Variants in RPS6KC1 observed in about 807,000 individuals in gnomAD.
The protein encoded by RPS6KC1 is inactive ribosomal protein S6 kinase delta-1.
In RPS6KC1, 54 loss-of-function variants were observed where a neutral mutation model predicts 103.8. The observed-to-expected ratio is 0.52, with a 90% CI of 0.42 to 0.65. The LOEUF is 0.65. Among genes scored for constraint, RPS6KC1 ranks in the 30% least tolerant of loss-of-function variants. The pLI is 0.00. For synonymous variants in RPS6KC1, 439 were observed against 438.7 expected (o/e 1.00, Z -0.01); for missense variants, 1,151 against 1,253.8 (o/e 0.92, Z 1.24).
At chr1:213,773,325 C>G in the RPS6KC1 span, among the ~76,000 whole-genome samples, 1 of 151,646 alleles carries the variant, frequency 6.6e-6, no homozygotes, top group East Asian at 1.9e-4. Flanking sequence ...GCACCCCCAA[C>G]CACTGTCCCC....
chr1:213,379,495 T>C, the RPS6KC1 span, among the ~76,000 whole-genome samples: 1 of 152,172 alleles, frequency 6.6e-6, no homozygotes, highest in South Asian at 2.1e-4. Flanking sequence ...CTGGAACAGA[T>C]TCCGCCTTAG....
chr1:213,076,321 G>A (rs1331726754), intron 2 of RPS6KC1, among the ~76,000 whole-genome samples: 1 of 152,198 alleles, frequency 6.6e-6, no homozygotes, highest in Non-Finnish European at 1.5e-5. Flanking sequence ...TTGGCAGCAT[G>A]AAAAAGTTTG....
the RPS6KC1 span, among the ~76,000 whole-genome samples, chr1:213,447,680 C>A: frequency 4.5e-4 from 68 of 152,210 alleles, no homozygotes; most frequent in Non-Finnish European, 8.7e-4. Flanking sequence ...CTAATCAATG[C>A]GGCTCAGGTA....
chr1:213,612,672 A>G, the RPS6KC1 span, among the ~76,000 whole-genome samples: 1 of 152,208 alleles, frequency 6.6e-6, no homozygotes. Context: ...TTTCTCTCCA[A>G]TTAATTATAG....
the RPS6KC1 span, among the ~76,000 whole-genome samples, chr1:213,714,614 T>C: frequency 6.6e-6 from 1 of 152,242 alleles, no homozygotes; most frequent in Non-Finnish European, 1.5e-5. Flanking sequence ...TTGTGAACTG[T>C]GTGGAAGTTA....
Position 213,241,200 on chromosome 1 carries a change from A to G in RPS6KC1, c.1724A>G (p.Asn575Ser), listed in dbSNP as rs56060894. Residue 575 changes from asparagine (N) to serine (S), a missense_variant, in exon 11 of 15, where the codon AAC (asparagine) becomes AGC (serine). Transcript: ENST00000366960. ...GCTCACGAGCTGAAGTTCTTCCCCA[A>G]CGATGACCCAGAAGCAGTTAGTTCT... ...LRAHELKFFP[N>S]DDPEAVSSPR... 7.3e-3 allele frequency: 11,771 copies of G among 1,613,722 alleles called. 405 individuals are homozygous for G. The highest frequency in any genetic ancestry group is 0.065 in the East Asian group (2,901 of 44,840).
chr1:213,602,513 G>A, the RPS6KC1 span, among the ~76,000 whole-genome samples: 1,581 of 152,070 alleles, frequency 0.01, 29 homozygotes, highest in African/African-American at 0.036. Flanking sequence ...GATTACAGGC[G>A]TGAGCCATTG....
chr1:213,217,094 G>T (rs1263245373), intron 8 of RPS6KC1, among the ~76,000 whole-genome samples: 1 of 151,622 alleles, frequency 6.6e-6, no homozygotes, highest in African/African-American at 2.4e-5. Flanking sequence ...CTGGCTTTTT[G>T]AAAAGATCAA....
At chr1:213,582,849 C>T in the RPS6KC1 span, among the ~76,000 whole-genome samples, 1 of 152,166 alleles carries the variant, frequency 6.6e-6, no homozygotes, top group African/African-American at 2.4e-5. Flanking sequence ...TTTTGTAACA[C>T]CACCAAGATT....
chr1:213,285,100 A>T, the RPS6KC1 span, among the ~76,000 whole-genome samples: 1 of 152,202 alleles, frequency 6.6e-6, no homozygotes, highest in Non-Finnish European at 1.5e-5. Context: ...ACAAAAATTT[A>T]TTTCTCACAG....
intron 5 of RPS6KC1, among the ~76,000 whole-genome samples, chr1:213,121,861 A>G (rs1197152687): frequency 6.6e-6 from 1 of 152,168 alleles, no homozygotes; most frequent in Non-Finnish European, 1.5e-5. Context: ...AGCTTATTGT[A>G]TGTAGCATAT....
rs568941303 is a variant in RPS6KC1 at position 213,122,369 on chromosome 1, G to A, written c.472+4959G>A. Reference sequence around the variant, plus strand: ...GAAAGGTGTATAGTTATTTAAGTTTGAAAAAAATCTGTATCGAAATACCAT... The same window carrying A: ...GAAAGGTGTATAGTTATTTAAGTTTAAAAAAAATCTGTATCGAAATACCAT... On this transcript the variant is annotated intron_variant, in intron 5 of 14. Coordinates refer to ENST00000366960, the MANE Select transcript of RPS6KC1 (RefSeq NM_012424.6). Among the ~76,000 whole-genome samples the A allele has an allele frequency of 2.1e-4, 32 of 151,982 alleles. No individual in the cohort carries two copies. The South Asian group carries it at 6.7e-3, about 32-fold the overall frequency.
At chr1:213,219,110 T>C (rs2093752158) in intron 8 of RPS6KC1, among the ~76,000 whole-genome samples, 1 of 152,176 alleles carries the variant, frequency 6.6e-6, no homozygotes, top group Non-Finnish European at 1.5e-5. Context: ...TGCAATCTAC[T>C]TATCTGACAA....
At chr1:213,120,516 T>G (rs2084259921) in intron 5 of RPS6KC1, among the ~76,000 whole-genome samples, 1 of 152,046 alleles carries the variant, frequency 6.6e-6, no homozygotes, top group Admixed American at 6.6e-5. Context: ...GAGGAACATC[T>G]AGTAGCAAAA....
chr1:213,756,201 G>A, the RPS6KC1 span, among the ~76,000 whole-genome samples: 1 of 152,194 alleles, frequency 6.6e-6, no homozygotes, highest in South Asian at 2.1e-4. Flanking sequence ...GGACACTCTG[G>A]ACCAGATCAT....
chr1:213,855,592 G>T, the RPS6KC1 span, among the ~76,000 whole-genome samples: 2 of 152,154 alleles, frequency 1.3e-5, no homozygotes, highest in Non-Finnish European at 2.9e-5. Context: ...TGTGTGCCCT[G>T]CTTCTTTCTC....
intron 6 of RPS6KC1, among the ~76,000 whole-genome samples, chr1:213,137,942 A>G (rs1478807829): frequency 2.9e-5 from 4 of 139,510 alleles, no homozygotes; most frequent in Admixed American, 7.6e-5. Context: ...TGGTTTTTCT[A>G]TTTACAGATA....
chr1:213,591,500 C>T, the RPS6KC1 span, among the ~76,000 whole-genome samples: 11 of 152,202 alleles, frequency 7.2e-5, no homozygotes, highest in Non-Finnish European at 1.5e-4. Context: ...CATTATCCCA[C>T]TTCACCAAGT....
the RPS6KC1 span, among the ~76,000 whole-genome samples, chr1:213,766,495 C>A: frequency 6.6e-6 from 1 of 152,200 alleles, no homozygotes; most frequent in African/African-American, 2.4e-5. Context: ...TACACTCTTA[C>A]AGAAAGGCTG....
Sources: gnomAD v4.1 joint callset for allele counts (sites outside exome capture counted in the v4.1 genomes callset) on GRCh38, gnomAD v4.1.1 for gene constraint, MANE v1.5 for transcripts, NCBI Gene and HGNC (gene_info 2026-07-23, HGNC 2026-07-21) for gene names.